Variants in RHEX observed in about 807,000 individuals in gnomAD.
The protein encoded by RHEX is regulator of hemoglobinization and erythroid cell expansion, also known as regulator of hemoglobinization and erythroid cell expansion protein.
A neutral mutation model predicts 20.1 loss-of-function variants in RHEX; 18 were observed. The ratio of observed to expected loss-of-function variants is 0.90; its 90% CI spans 0.62 to 1.33. The LOEUF is 1.33. Among genes scored for constraint, RHEX ranks in the 40% most tolerant of loss-of-function variants. RHEX has a pLI of 0.00. For synonymous variants in RHEX, 87 were observed against 77.1 expected, an observed-to-expected ratio of 1.13 and a Z score of -0.67; for missense variants, 192 against 214.3, an observed-to-expected ratio of 0.90 and a Z score of 0.65.
intron 1 of RHEX, among the ~76,000 whole-genome samples, chr1:206,097,447 A>T (rs569425636): frequency 6.6e-6 from 1 of 152,206 alleles, no homozygotes; most frequent in East Asian, 1.9e-4. Context: ...CCCCTTTCAC[A>T]TGCTGAATCT....
At chr1:206,092,723 C>T (rs1553287195) in intron 1 of RHEX, among the ~76,000 whole-genome samples, 1 of 151,632 alleles carries the variant, frequency 6.6e-6, no homozygotes, top group East Asian at 1.9e-4. Context: ...AATGTTAATC[C>T]CTTCTGTTTC....
Position 206,102,136 on chromosome 1 carries a change from T to G in RHEX, c.*184T>G. The G allele has an allele frequency of 1.6e-6, 1 of 627,404 alleles. No homozygotes were observed. Among genetic ancestry groups the G allele is most frequent in the Non-Finnish European group, 2.8e-6 (1 of 356,880 alleles). The allele number at this position is 627,404 out of a possible 1,614,324, so 38.9% of individuals were successfully genotyped here. On this transcript the variant is annotated 3_prime_UTR_variant, in exon 6 of 6. Coordinates refer to ENST00000331555, the MANE Select transcript of RHEX (RefSeq NM_001007544.4). ...GTCCTCAAGACCCATGGACTCCTGG[T>G]CTGTACCCAAAAAAGCTGTTCGTTC...
At chr1:206,076,403 C>T (rs1016104085) in intron 1 of RHEX, among the ~76,000 whole-genome samples, 2 of 152,168 alleles carry the variant, frequency 1.3e-5, no homozygotes, top group Non-Finnish European at 2.9e-5. Context: ...TGGGCTCAAG[C>T]GATCCACCCT....
At chr1:206,086,940 G>C (rs561535692) in intron 1 of RHEX, among the ~76,000 whole-genome samples, 1 of 152,080 alleles carries the variant, frequency 6.6e-6, no homozygotes, top group African/African-American at 2.4e-5. Flanking sequence ...CCAGGAGGTC[G>C]AGGCTGCAGT....
chr1:206,094,168 T>TGG (rs1227569187), intron 1 of RHEX, among the ~76,000 whole-genome samples: 3 of 119,414 alleles, frequency 2.5e-5, no homozygotes, highest in Admixed American at 9.0e-5. Context: ...CCTGGTTATT[T>TGG]GGTGTGTGTG....
At chr1:206,086,030 T>C (rs1553286378) in intron 1 of RHEX, among the ~76,000 whole-genome samples, 1 of 152,168 alleles carries the variant, frequency 6.6e-6, no homozygotes, top group Admixed American at 6.5e-5. Flanking sequence ...TCTGTTGTCC[T>C]TTTCCCCATG....
intron 1 of RHEX, among the ~76,000 whole-genome samples, chr1:206,066,232 A>C (rs995630593): frequency 1.9e-4 from 29 of 152,234 alleles, no homozygotes; most frequent in Non-Finnish European, 4.4e-5. Flanking sequence ...CTTATCTATT[A>C]ACTAGACATT....
At chr1:206,082,299 C>A (rs1381778992) in intron 1 of RHEX, among the ~76,000 whole-genome samples, 1 of 151,942 alleles carries the variant, frequency 6.6e-6, no homozygotes, top group Non-Finnish European at 1.5e-5. Context: ...GGGTGAAGCA[C>A]GATGTCAGGA....
intron 1 of RHEX, among the ~76,000 whole-genome samples, chr1:206,090,349 G>C (rs1488448581): frequency 6.6e-6 from 1 of 151,734 alleles, no homozygotes; most frequent in African/African-American, 2.4e-5. Flanking sequence ...GGGATTACAG[G>C]TGCCCACCAC....
chr1:206,100,496 C>T (rs148082469), intron 4 of RHEX, among the ~76,000 whole-genome samples: 2 of 152,312 alleles, frequency 1.3e-5, no homozygotes, highest in African/African-American at 4.8e-5. Flanking sequence ...CAGTGCCTGC[C>T]TGTGGGGACC....
chr1:206,065,522 C>A (rs566356917), intron 1 of RHEX, among the ~76,000 whole-genome samples: 1 of 152,290 alleles, frequency 6.6e-6, no homozygotes, highest in African/African-American at 2.4e-5. Flanking sequence ...GGAAAGGTTC[C>A]TGGGGAGGTT....
At chr1:206,054,363 T>C (rs1356880169) in intron 1 of RHEX, among the ~76,000 whole-genome samples, 1 of 152,218 alleles carries the variant, frequency 6.6e-6, no homozygotes, top group Non-Finnish European at 1.5e-5. Flanking sequence ...TGAGTACTAT[T>C]AAAAAAACAG....
chr1:206,062,511 G>A (rs1158323850), intron 1 of RHEX, among the ~76,000 whole-genome samples: 1 of 152,256 alleles, frequency 6.6e-6, no homozygotes, highest in Non-Finnish European at 1.5e-5. Context: ...CCTGTCAGGA[G>A]TTAACACCCC....
chr1:206,068,320 G>A (rs923834314), intron 1 of RHEX, among the ~76,000 whole-genome samples: 1 of 152,134 alleles, frequency 6.6e-6, no homozygotes, highest in African/African-American at 2.4e-5. Context: ...TAGGGTGGAG[G>A]GGGCAAGGGA....
At chr1:206,070,989 G>A (rs1245418146) in intron 1 of RHEX, among the ~76,000 whole-genome samples, 5 of 152,280 alleles carry the variant, frequency 3.3e-5, no homozygotes, top group Middle Eastern at 3.4e-3. Flanking sequence ...TAAGATATAC[G>A]TATATATAAA....
Position 206,102,025 on chromosome 1 carries a change from T to C in RHEX, c.*73T>C, listed in dbSNP as rs574297382. On this transcript the variant is annotated 3_prime_UTR_variant, in exon 6 of 6. Transcript: ENST00000331555. ...TTAATTTGTAGGGAAATGCCATTTT[T>C]CCCCCTTAAACAAGGCATGGGGCTC... is the stretch of plus-strand genomic sequence containing the variant. The C allele has an allele frequency of 7.5e-4, 970 of 1,285,122 alleles. No individual in the cohort carries two copies. The African/African-American group carries it at 0.012, about 16-fold the overall frequency. 79.6% of individuals were successfully genotyped at this position (1,285,122 alleles called of 1,614,324 possible).
intron 3 of RHEX, among the ~76,000 whole-genome samples, chr1:206,099,102 G>A (rs1553288078): frequency 6.6e-6 from 1 of 152,170 alleles, no homozygotes; most frequent in Non-Finnish European, 1.5e-5. Context: ...GGCAGCTGGA[G>A]CAGGCAGAGA....
At chr1:206,094,138 T>G (rs751676100) in intron 1 of RHEX, among the ~76,000 whole-genome samples, 10 of 151,734 alleles carry the variant, frequency 6.6e-5, no homozygotes, top group Non-Finnish European at 4.4e-5. Flanking sequence ...CACAACATAA[T>G]TACCTTAAAT....
intron 1 of RHEX, among the ~76,000 whole-genome samples, chr1:206,079,310 A>T (rs373885828): frequency 6.6e-6 from 1 of 152,224 alleles, no homozygotes; most frequent in South Asian, 2.1e-4. Context: ...AAATGCTGCT[A>T]GTGGTGTAGT....
Sources: allele counts gnomAD v4.1 joint callset (sites outside exome capture counted in the v4.1 genomes callset), GRCh38; gene constraint gnomAD v4.1.1; transcripts MANE v1.5; gene names NCBI Gene and HGNC (gene_info 2026-07-23, HGNC 2026-07-21).